Variants in SV2C observed in about 807,000 individuals in gnomAD.
SV2C encodes the protein synaptic vesicle glycoprotein 2C.
A neutral mutation model predicts 79.7 loss-of-function variants in SV2C; 49 were observed. The ratio of observed to expected loss-of-function variants is 0.61; its 90% CI spans 0.49 to 0.78. The LOEUF is 0.78. Ranked by LOEUF, SV2C falls within the 30% of genes least tolerant of loss-of-function variation. SV2C has a pLI of 0.00. For missense variants in SV2C, 833 were observed against 912.9 expected, an observed-to-expected ratio of 0.91 and a Z score of 1.13; for synonymous variants, 334 against 333.2, an observed-to-expected ratio of 1.00 and a Z score of -0.03.
the SV2C span, among the ~76,000 whole-genome samples, chr5:75,956,287 A>C: frequency 1.4e-5 from 2 of 147,042 alleles, no homozygotes; most frequent in Non-Finnish European, 3.0e-5. Context: ...TCAGTAAACT[A>C]TCGCAAGAAC....
intron 8 of SV2C, among the ~76,000 whole-genome samples, chr5:76,294,670 G>T (rs1747683017): frequency 1.3e-5 from 2 of 152,070 alleles, no homozygotes; most frequent in Admixed American, 6.6e-5. Flanking sequence ...TCAAAATCCT[G>T]TGGTATTTTA....
At chr5:76,339,010 G>C (rs944542865) in intron 12 of SV2C, among the ~76,000 whole-genome samples, 1 of 149,394 alleles carries the variant, frequency 6.7e-6, no homozygotes, top group African/African-American at 2.6e-5. Flanking sequence ...CCAAACTGAG[G>C]ACTGGAAGCT....
upstream of SV2C, among the ~76,000 whole-genome samples, chr5:76,080,040 T>G (rs557810745): frequency 6.6e-6 from 1 of 152,254 alleles, no homozygotes; most frequent in East Asian, 1.9e-4. Context: ...TTGTTACTTT[T>G]TATTTCTCCG....
At chr5:76,039,494 G>A in the SV2C span, among the ~76,000 whole-genome samples, 2 of 152,116 alleles carry the variant, frequency 1.3e-5, no homozygotes, top group African/African-American at 2.4e-5. Flanking sequence ...GGTGGCTTAC[G>A]CCTGTAATCC....
At chr5:75,951,189 A>G in the SV2C span, among the ~76,000 whole-genome samples, 1 of 151,980 alleles carries the variant, frequency 6.6e-6, no homozygotes. Flanking sequence ...GATGAGAGCA[A>G]AAAAAAGAAT....
chr5:76,233,000 A>C (rs1409762860), intron 4 of SV2C, among the ~76,000 whole-genome samples: 1 of 140,234 alleles, frequency 7.1e-6, no homozygotes, highest in Admixed American at 6.8e-5. Context: ...CTTGATGGGG[A>C]TGGCATTGAA....
At chr5:75,887,180 G>A in the SV2C span, among the ~76,000 whole-genome samples, 1 of 152,020 alleles carries the variant, frequency 6.6e-6, no homozygotes, top group East Asian at 1.9e-4. Flanking sequence ...ATTATCATAT[G>A]CATTACCTCA....
At chr5:76,191,613 G>C (rs956093211) in intron 2 of SV2C, among the ~76,000 whole-genome samples, 1 of 152,192 alleles carries the variant, frequency 6.6e-6, no homozygotes, top group Non-Finnish European at 1.5e-5. Context: ...GCTTAGCAAA[G>C]AGACAGAAAT....
intron 12 of SV2C, among the ~76,000 whole-genome samples, chr5:76,308,159 A>T (rs530979654): frequency 1.3e-5 from 2 of 152,280 alleles, no homozygotes; most frequent in South Asian, 2.1e-4. Flanking sequence ...TTTTGCTTGA[A>T]TTGGCTTTCT....
the SV2C span, among the ~76,000 whole-genome samples, chr5:75,932,683 GT>G: frequency 6.6e-6 from 1 of 152,334 alleles, no homozygotes; most frequent in Non-Finnish European, 1.5e-5. Context: ...ATTGTCTGTG[GT>G]TTGAGCAGTT....
At chr5:76,180,194 T>C (rs1038692671) in intron 2 of SV2C, among the ~76,000 whole-genome samples, 6 of 152,172 alleles carry the variant, frequency 3.9e-5, no homozygotes, top group Non-Finnish European at 8.8e-5. Context: ...AGATCAAAAA[T>C]TGTTTTCTTG....
At chr5:76,104,344 G>T (rs1561216599) in intron 1 of SV2C, among the ~76,000 whole-genome samples, 1 of 152,158 alleles carries the variant, frequency 6.6e-6, no homozygotes, top group Admixed American at 6.5e-5. Flanking sequence ...AAATTCAGGG[G>T]ACAATTCACA....
the SV2C span, among the ~76,000 whole-genome samples, chr5:75,916,640 A>G: frequency 1.3e-5 from 2 of 151,926 alleles, no homozygotes; most frequent in African/African-American, 4.8e-5. Context: ...ACATCTGGCT[A>G]ATTTTTATAT....
chr5:75,937,676 T>C, the SV2C span, among the ~76,000 whole-genome samples: 1 of 151,876 alleles, frequency 6.6e-6, no homozygotes, highest in Non-Finnish European at 1.5e-5. Flanking sequence ...GTCACCACAC[T>C]CCAGCCTGTG....
chr5:75,955,303 C>T, the SV2C span, among the ~76,000 whole-genome samples: 1 of 149,294 alleles, frequency 6.7e-6, no homozygotes, highest in African/African-American at 2.5e-5. Flanking sequence ...GAAAGGATTT[C>T]CTATTTAATA....
chr5:75,969,619 C>T, the SV2C span, among the ~76,000 whole-genome samples: 2 of 152,176 alleles, frequency 1.3e-5, no homozygotes, highest in Non-Finnish European at 2.9e-5. Context: ...ACAAGAAGAA[C>T]TAACTATCCT....
the SV2C span, among the ~76,000 whole-genome samples, chr5:76,014,490 G>A: frequency 6.6e-6 from 1 of 152,312 alleles, no homozygotes; most frequent in East Asian, 1.9e-4. Context: ...AGAAATTTCA[G>A]ATCTCTGTGA....
chr5:76,238,304 ATGTG>A (rs112691264), intron 4 of SV2C, among the ~76,000 whole-genome samples: 1 of 149,534 alleles, frequency 6.7e-6, no homozygotes, highest in Non-Finnish European at 1.5e-5. Context: ...GTGTGTGTGT[ATGTG>A]TGTGTGTGTG....
chr5:76,347,656 G>A (rs1749568872), intron 12 of SV2C, among the ~76,000 whole-genome samples: 1 of 152,130 alleles, frequency 6.6e-6, no homozygotes, highest in Non-Finnish European at 1.5e-5. Context: ...TGGCTAGTCT[G>A]GTCTCGAACT....
Sources: allele counts gnomAD v4.1 joint callset (sites outside exome capture counted in the v4.1 genomes callset), GRCh38; gene constraint gnomAD v4.1.1; transcripts MANE v1.5; gene names NCBI Gene and HGNC (gene_info 2026-07-23, HGNC 2026-07-21).